Variants in CTCF observed in about 807,000 individuals in gnomAD.
CTCF encodes CCCTC-binding factor, also known as transcriptional repressor CTCF.
CTCF carries 7 observed loss-of-function variants against 72.3 expected under a neutral mutation model. The observed-to-expected ratio is 0.10, with a 90% CI of 0.06 to 0.18. CTCF has a LOEUF of 0.18. Among genes scored for constraint, CTCF ranks in the 10% least tolerant of loss-of-function variants. CTCF has a pLI of 1.00. For missense variants in CTCF, 516 were observed against 949.1 expected, an observed-to-expected ratio of 0.54 and a Z score of 6.00; for synonymous variants, 374 against 315.8, an observed-to-expected ratio of 1.18 and a Z score of -1.95.
chr16:67,624,805 GCTGGTCTCGTAC>G (rs2142858437), intron 7 of CTCF, among the ~76,000 whole-genome samples: 1 of 151,838 alleles, frequency 6.6e-6, no homozygotes, highest in Admixed American at 6.6e-5. Flanking sequence ...TGTTGCCCAG[GCTGGTCTCGTAC>G]TCCTGGACTC....
At chr16:67,593,655 G>A (rs988868294) in intron 2 of CTCF, among the ~76,000 whole-genome samples, 1 of 152,104 alleles carries the variant, frequency 6.6e-6, no homozygotes, top group Non-Finnish European at 1.5e-5. Flanking sequence ...AAAGTTCATG[G>A]GGTCTTAGAG....
chr16:67,637,166 G>A (rs1192639572), intron 11 of CTCF, among the ~76,000 whole-genome samples: 2 of 152,178 alleles, frequency 1.3e-5, no homozygotes, highest in African/African-American at 2.4e-5. Context: ...GAATGGATGC[G>A]GTAATGAATA....
In CTCF at chr16:67,597,548, A is replaced by G. The variant is rs571012409; in HGVS notation, c.-9-13276A>G. Among the ~76,000 whole-genome samples, 3 of 152,224 alleles carry G rather than the reference A, an allele frequency of 2.0e-5. No homozygotes were observed. In the East Asian group the frequency reaches 5.8e-4, roughly 29 times the overall value. The stretch of plus-strand genomic sequence containing the variant: ...GAGACGGGGTTTCACCATGTTGGCC[A>G]GGCTGGTCTTGAACTCCTGACCTTA... On this transcript the variant is annotated intron_variant, in intron 2 of 11. Coordinates refer to ENST00000264010, the MANE Select transcript of CTCF (RefSeq NM_006565.4).
chr16:67,621,962 G>T (rs2052205277), intron 7 of CTCF, among the ~76,000 whole-genome samples: 2 of 152,020 alleles, frequency 1.3e-5, no homozygotes, highest in Admixed American at 1.3e-4. Flanking sequence ...GAGAACGTCT[G>T]TACTTTCTCT....
intron 2 of CTCF, among the ~76,000 whole-genome samples, chr16:67,581,179 C>T (rs1021253334): frequency 2.0e-5 from 3 of 152,158 alleles, no homozygotes; most frequent in African/African-American, 7.2e-5. Flanking sequence ...CCACCTGCCT[C>T]GGCCTCCCAG....
intron 2 of CTCF, among the ~76,000 whole-genome samples, chr16:67,571,910 C>T (rs2051426671): frequency 6.6e-6 from 1 of 152,116 alleles, no homozygotes; most frequent in Non-Finnish European, 1.5e-5. Context: ...TTGGAATCTA[C>T]TATGCTTTGG....
At chr16:67,609,791 T>G (rs542804761) in intron 2 of CTCF, among the ~76,000 whole-genome samples, 1 of 151,760 alleles carries the variant, frequency 6.6e-6, no homozygotes, top group Non-Finnish European at 1.5e-5. Flanking sequence ...CCCGGCTAAT[T>G]TTTTTGTATT....
chr16:67,585,513 C>T (rs1294651485), intron 2 of CTCF, among the ~76,000 whole-genome samples: 2 of 152,154 alleles, frequency 1.3e-5, no homozygotes, highest in African/African-American at 2.4e-5. Context: ...TCTTCTTAAC[C>T]CAGGACTTTT....
chr16:67,621,686 C>A, intron 7 of CTCF, 95 bp downstream of exon 7: 14 of 884,216 alleles, frequency 1.6e-5, no homozygotes, highest in Non-Finnish European at 2.0e-5. Context: ...TTCTGACTCT[C>A]ATAACATTTT....
At chr16:67,599,227 T>G (rs1409704600) in intron 2 of CTCF, among the ~76,000 whole-genome samples, 1 of 152,094 alleles carries the variant, frequency 6.6e-6, no homozygotes, top group African/African-American at 2.4e-5. Context: ...AAACCTCGTC[T>G]CTAGTAAAAA....
At position 67,578,455 on chromosome 16, in the gene CTCF, C is replaced by T. The variant is rs148239681; in HGVS notation, c.-10+7191C>T. 5.0e-3 allele frequency among the ~76,000 whole-genome samples: 749 copies of T among 150,996 alleles called. 7 individuals are homozygous for T. Among genetic ancestry groups the T allele is most frequent in the Non-Finnish European group, 6.7e-3 (457 of 67,840 alleles). ...TGAAGTGATTCTTGTGCCTCAGCCT[C>T]CCAAGTAGCTGAGATTACACACATG... On this transcript the variant is annotated intron_variant, in intron 2 of 11. Coordinates refer to ENST00000264010, the MANE Select transcript of CTCF (RefSeq NM_006565.4).
chr16:67,567,141 A>AT (rs1418251592), intron 1 of CTCF, among the ~76,000 whole-genome samples: 3 of 151,800 alleles, frequency 2.0e-5, no homozygotes, highest in Non-Finnish European at 4.4e-5. Context: ...TGTCCAGCCC[A>AT]TTTTTTTTAA....
chr16:67,592,572 G>T (rs970445519), intron 2 of CTCF, among the ~76,000 whole-genome samples: 3 of 152,058 alleles, frequency 2.0e-5, no homozygotes, highest in African/African-American at 7.2e-5. Context: ...CGGCATGGTG[G>T]CATGCGCCTG....
chr16:67,624,868 A>G (rs890803740), intron 7 of CTCF, among the ~76,000 whole-genome samples: 3 of 151,710 alleles, frequency 2.0e-5, no homozygotes, highest in African/African-American at 4.8e-5. Context: ...TGCTAGGATT[A>G]CAGGTGTGAG....
chr16:67,629,283 A>C, intron 9 of CTCF, 115 bp from the exon 10 acceptor site: 1 of 968,900 alleles, frequency 1.0e-6, no homozygotes, highest in Non-Finnish European at 1.5e-6. Flanking sequence ...TTCAGGACAC[A>C]CTTAGCAGAT....
In CTCF at chr16:67,611,108, T is replaced by A; in HGVS notation, c.276T>A (p.Asp92Glu). The change falls in exon 3 of 12, where the codon GAT (aspartate) becomes GAA (glutamate). Residue 92 changes from aspartate to glutamate, a missense_variant. Coordinates refer to ENST00000264010, the MANE Select transcript of CTCF (RefSeq NM_006565.4). Reference sequence around the variant, plus strand: ...CAGAAGCAGAGGCTGCTGTGGACGATACCCAGATTATAACTTTACAGGTTG... The same window carrying A: ...CAGAAGCAGAGGCTGCTGTGGACGAAACCCAGATTATAACTTTACAGGTTG... ...VAPEAEAAVD[D>E]TQIITLQVVN... 6.2e-7 allele frequency: 1 copy of A among 1,614,198 alleles called. No homozygotes were observed. The highest frequency in any genetic ancestry group is 8.5e-7 in the Non-Finnish European group (1 of 1,180,048).
chr16:67,608,401 GGA>G (rs878961320), intron 2 of CTCF, among the ~76,000 whole-genome samples: 15 of 152,160 alleles, frequency 9.9e-5, no homozygotes, highest in Admixed American at 9.2e-4. Flanking sequence ...CTCATTGTCA[GGA>G]GAGAGGTGAA....
chr16:67,603,457 C>T (rs1024668931), intron 2 of CTCF, among the ~76,000 whole-genome samples: 11 of 151,348 alleles, frequency 7.3e-5, no homozygotes, highest in Admixed American at 4.0e-4. Flanking sequence ...GGCATGAACC[C>T]GGGAGGCGGA....
chr16:67,603,311 C>T (rs148112212), intron 2 of CTCF, among the ~76,000 whole-genome samples: 15 of 151,636 alleles, frequency 9.9e-5, no homozygotes, highest in South Asian at 2.1e-4. Flanking sequence ...TGGGGGATCA[C>T]GAGGTCAGGA....
Sources: allele counts gnomAD v4.1 joint callset (sites outside exome capture counted in the v4.1 genomes callset), GRCh38; gene constraint gnomAD v4.1.1; transcripts MANE v1.5; gene names NCBI Gene and HGNC (gene_info 2026-07-23, HGNC 2026-07-21).